CFAP47: variants seen among roughly 807,000 people sequenced by gnomAD.
CFAP47 encodes the protein cilia- and flagella-associated protein 47.
A neutral mutation model predicts 148.1 loss-of-function variants in CFAP47; 29 were observed. The observed-to-expected ratio is 0.20, with a 90% confidence interval of 0.15 to 0.27. The LOEUF is 0.27. Ranked by LOEUF, CFAP47 falls within the 10% of genes least tolerant of loss-of-function variation. CFAP47 has a pLI of 1.00. For synonymous variants in CFAP47, 664 were observed against 577.3 expected (o/e 1.15, Z -2.15); for missense variants, 1,872 against 1,697.5 (o/e 1.10, Z -1.81).
intron 2 of CFAP47, among the ~76,000 whole-genome samples, chrX:35,939,464 T>G (rs1299005475): frequency 5.3e-5 from 4 of 74,900 alleles, no homozygotes; most frequent in Admixed American, 1.9e-4. Flanking sequence ...CCCACAACAG[T>G]CCCCAGAGTG....
intron 30 of CFAP47, 128 bp downstream of exon 30, chrX:36,085,666 C>CAT: frequency 6.8e-6 from 2 of 293,794 alleles, no homozygotes; most frequent in Admixed American, 1.1e-4. Flanking sequence ...CACACACACA[C>CAT]ATAAATATAC....
At chrX:35,943,468 T>G (rs1316400629) in intron 3 of CFAP47, among the ~76,000 whole-genome samples, 1 of 111,523 alleles carries the variant, frequency 9.0e-6, no homozygotes, top group Non-Finnish European at 1.9e-5. Context: ...ATGATTTATT[T>G]TAATAGTCTC....
At chrX:35,924,311 ATG>A (rs1243432590) in intron 1 of CFAP47, among the ~76,000 whole-genome samples, 17 of 105,827 alleles carry the variant, frequency 1.6e-4, no homozygotes, top group Admixed American at 1.1e-3. Context: ...ATATGTATAT[ATG>A]TACATGTATG....
intron 53 of CFAP47, among the ~76,000 whole-genome samples, chrX:36,303,162 C>T (rs1941314389): frequency 9.0e-6 from 1 of 111,326 alleles, no homozygotes; most frequent in Non-Finnish European, 1.9e-5. Context: ...TTCCTTGCCT[C>T]TTTTAGCTTC....
At chrX:36,082,741 C>T (rs778481398) in intron 29 of CFAP47, among the ~76,000 whole-genome samples, 15 of 111,345 alleles carry the variant, frequency 1.3e-4, no homozygotes, top group African/African-American at 4.9e-4. Flanking sequence ...CAGAGCCTCT[C>T]ATTTAGTATA....
chrX:36,282,280 G>A (rs1333674241), intron 50 of CFAP47, among the ~76,000 whole-genome samples: 1 of 110,972 alleles, frequency 9.0e-6, no homozygotes, highest in Non-Finnish European at 1.9e-5. Context: ...TGCTGTAGAT[G>A]TGTTATGTTA....
At chrX:36,363,013 G>T (rs1186819945) in intron 61 of CFAP47, among the ~76,000 whole-genome samples, 4 of 111,382 alleles carry the variant, frequency 3.6e-5, no homozygotes, top group Non-Finnish European at 7.6e-5. Flanking sequence ...TTGTGAAAAT[G>T]GGCAGAGCCA....
At chrX:36,301,878 G>A (rs1214351592) in intron 53 of CFAP47, among the ~76,000 whole-genome samples, 1 of 110,540 alleles carries the variant, frequency 9.0e-6, no homozygotes, top group South Asian at 3.8e-4. Flanking sequence ...GTAAATAGGG[G>A]TAAACAAGGC....
At chrX:36,027,566 G>A (rs1937234149) in intron 22 of CFAP47, among the ~76,000 whole-genome samples, 1 of 110,915 alleles carries the variant, frequency 9.0e-6, no homozygotes, top group African/African-American at 3.3e-5. Context: ...GTGTATGTGT[G>A]TGTGTGTGTG....
At chrX:35,961,543 A>C (rs957684843) in intron 8 of CFAP47, among the ~76,000 whole-genome samples, 2 of 110,987 alleles carry the variant, frequency 1.8e-5, no homozygotes, top group African/African-American at 3.3e-5. Context: ...GGTCAGTTTC[A>C]GTAGTTTATG....
intron 15 of CFAP47, 103 bp downstream of exon 15, chrX:35,976,016 G>A (rs1936565703): frequency 3.8e-6 from 3 of 796,404 alleles, no homozygotes; most frequent in Non-Finnish European, 1.8e-6. Flanking sequence ...CTGGTGCCAA[G>A]AGTATAGAAG....
At chrX:36,022,267 T>G (rs1490121422) in intron 22 of CFAP47, among the ~76,000 whole-genome samples, 1 of 111,647 alleles carries the variant, frequency 9.0e-6, no homozygotes, top group African/African-American at 3.3e-5. Context: ...AGGCTAAAAG[T>G]TTTTTTTCTT....
chrX:36,316,309 C>T (rs1449041012), intron 56 of CFAP47, among the ~76,000 whole-genome samples: 1 of 112,158 alleles, frequency 8.9e-6, no homozygotes, highest in Admixed American at 9.5e-5. Flanking sequence ...CCCCCAACCA[C>T]ATTAAGAATT....
At chrX:36,144,712 G>GT (rs752230500) in intron 35 of CFAP47, 1 of 1,023,113 alleles carries the variant, frequency 9.8e-7, no homozygotes, top group Admixed American at 2.5e-5. Flanking sequence ...CAGTTTGCTT[G>GT]TTTTTTTGTT....
In CFAP47 at chrX:36,384,161, A is replaced by C. The variant is rs782259436; in HGVS notation, c.9355-636A>C. ...TTTGAGACCAGCCTGGCCAATGTGG[A>C]GATACCCCGTCTCTACTAAAAATAC... On this transcript the variant is annotated intron_variant, in intron 63 of 63. Coordinates refer to ENST00000378653, the MANE Select transcript of CFAP47 (RefSeq NM_001304548.2). Among the ~76,000 whole-genome samples, 62 of 109,706 alleles carry C rather than the reference A, an allele frequency of 5.7e-4. 1 individual carries two copies. The highest frequency in any genetic ancestry group is 2.0e-3 in the African/African-American group (60 of 30,162).
chrX:35,932,464 C>T (rs773761267), intron 2 of CFAP47, among the ~76,000 whole-genome samples: 10 of 107,779 alleles, frequency 9.3e-5, no homozygotes, highest in Non-Finnish European at 1.5e-4. Context: ...GTTGTGCAGG[C>T]TGGTCTGAAA....
intron 26 of CFAP47, among the ~76,000 whole-genome samples, chrX:36,059,550 C>T (rs894107688): frequency 8.9e-6 from 1 of 111,805 alleles, no homozygotes; most frequent in Non-Finnish European, 1.9e-5. Context: ...CAGGTCAAGG[C>T]GTGATATTTA....
intron 21 of CFAP47, among the ~76,000 whole-genome samples, chrX:36,004,931 G>A (rs1240821293): frequency 1.8e-5 from 2 of 111,207 alleles, no homozygotes; most frequent in African/African-American, 3.3e-5. Context: ...TTATAGGTCT[G>A]TATTTATAAA....
intron 2 of CFAP47, among the ~76,000 whole-genome samples, chrX:35,926,680 T>G (rs1419240452): frequency 1.8e-5 from 2 of 111,950 alleles, no homozygotes; most frequent in Non-Finnish European, 3.8e-5. Flanking sequence ...AAATTTAAAG[T>G]GTTTCTTTAT....
Sources: allele counts gnomAD v4.1 joint callset (sites outside exome capture counted in the v4.1 genomes callset), GRCh38; gene constraint gnomAD v4.1.1; transcripts MANE v1.5; gene names NCBI Gene and HGNC (gene_info 2026-07-23, HGNC 2026-07-21).